The following ZNF12 variants were observed in gnomAD, a reference collection of about 807,000 sequenced individuals.
ZNF12 encodes the protein gonadotropin inducible transcription repressor 3.
Under a neutral mutation model 66.6 loss-of-function variants are expected in ZNF12, and 34 were observed. The observed-to-expected ratio is 0.51, with a 90% CI of 0.39 to 0.68. The LOEUF (loss-of-function observed/expected upper bound fraction) is 0.68, where lower values mean the gene tolerates loss of function less well. Ranked by LOEUF, ZNF12 falls within the 30% of genes least tolerant of loss-of-function variation. The pLI, the probability that ZNF12 is intolerant of heterozygous loss-of-function variation, is 0.00. For synonymous variants in ZNF12, 320 were observed against 278.9 expected, an observed-to-expected ratio of 1.15 and a Z score of -1.47; for missense variants, 697 against 826.9, an observed-to-expected ratio of 0.84 and a Z score of 1.93.
In ZNF12 at chr7:6,706,896, C is replaced by T. The variant is rs1780369299; in HGVS notation, c.-515G>A. On this transcript the variant is annotated 5_prime_UTR_variant, in exon 1 of 5. Transcript: ENST00000405858. Reference sequence around the variant, plus strand: ...ATTCTCGCCCACCGGAGGCCAAAGCCTGGGAACTAGGGCGAGCGGTGACCT... The same window carrying T: ...ATTCTCGCCCACCGGAGGCCAAAGCTTGGGAACTAGGGCGAGCGGTGACCT... The T allele has an allele frequency of 2.4e-6, 1 of 409,616 alleles. No homozygotes were observed. The allele number at this position is 409,616 out of a possible 1,614,324, so 25.4% of individuals were successfully genotyped here.
Position 6,694,467 on chromosome 7 carries a change from T to C in ZNF12, c.239-1764A>G, listed in dbSNP as rs1323148325. Reference sequence around the variant, plus strand: ...TAGGATGACAGTCATCTAACAAAAATATTCCGTTGCAGGAAAAGCAAGCTA... The same window carrying C: ...TAGGATGACAGTCATCTAACAAAAACATTCCGTTGCAGGAAAAGCAAGCTA... On this transcript the variant is annotated intron_variant, in intron 4 of 4. Transcript: ENST00000405858. Among the ~76,000 whole-genome samples, 4 of 152,172 alleles carry C rather than the reference T, an allele frequency of 2.6e-5. No homozygotes were observed. The East Asian group carries it at 7.7e-4, about 29-fold the overall frequency.
chr7:6,694,509 G>A (rs980397629), intron 4 of ZNF12, among the ~76,000 whole-genome samples: 4 of 152,120 alleles, frequency 2.6e-5, no homozygotes, highest in African/African-American at 7.2e-5. Flanking sequence ...GCACAAGGAG[G>A]TTCCTAAGAT....
chr7:6,696,090 G>A lies in ZNF12; in HGVS notation c.238+1249C>T, dbSNP rs1360841422. On this transcript the variant is annotated intron_variant, in intron 4 of 4. Coordinates refer to ENST00000405858, the MANE Select transcript of ZNF12 (RefSeq NM_016265.4). The surrounding 1 kb of genome is among the most constrained non-coding windows in gnomAD (Gnocchi z 4.0). ...GTAACCAACTATAGGCTTATCTTGT[G>A]AGGCTAGCGATGATATCAACTGGAA... Among the ~76,000 whole-genome samples, 1 of 152,210 alleles carries A rather than the reference G, an allele frequency of 6.6e-6. No individual in the cohort carries two copies. The highest frequency in any genetic ancestry group is 1.5e-5 in the Non-Finnish European group (1 of 68,040).
intron 2 of ZNF12, among the ~76,000 whole-genome samples, chr7:6,700,336 C>CACACACACATATAT (rs59783256): frequency 9.7e-4 from 139 of 143,068 alleles, no homozygotes; most frequent in African/African-American, 3.4e-3. Context: ...CACACACACA[C>CACACACACATATAT]ATATATATAC....
At chr7:6,703,813 AG>A (rs1159885690) in intron 2 of ZNF12, among the ~76,000 whole-genome samples, 1 of 152,220 alleles carries the variant, frequency 6.6e-6, no homozygotes, top group Non-Finnish European at 1.5e-5. Context: ...AAGAAGAGAA[AG>A]GGCACTCAAA....
intron 2 of ZNF12, among the ~76,000 whole-genome samples, chr7:6,700,061 A>G (rs1377725159): frequency 3.3e-5 from 5 of 151,940 alleles, no homozygotes; most frequent in African/African-American, 9.7e-5. Flanking sequence ...CGAGGTGGGC[A>G]GATCACAAGG....
At position 6,692,852 on chromosome 7, in the gene ZNF12, C is replaced by T. The variant is rs1369608075; in HGVS notation, c.239-149G>A. ...AAAATAATTCCAAGTGTACTCTTCT[C>T]CTTTATGCTTTTGCTTAAAATTACA... is the stretch of plus-strand genomic sequence containing the variant. On this transcript the variant is annotated intron_variant, in intron 4 of 4. Transcript: ENST00000405858. This position sits in a 1 kb window ranked among gnomAD's most constrained non-coding sequence, Gnocchi z 5.1. 3 of 729,504 alleles carry T rather than the reference C, an allele frequency of 4.1e-6. No individual in the cohort carries two copies. The highest frequency in any genetic ancestry group is 3.5e-5 in the Admixed American group (1 of 28,388). The allele number at this position is 729,504 out of a possible 1,614,324, so 45.2% of individuals were successfully genotyped here.
In ZNF12 at chr7:6,691,981, CTG is replaced by C; in HGVS notation, c.959_960del (p.Thr320ArgfsTer6). The C allele has an allele frequency of 1.9e-6, 3 of 1,614,068 alleles. No homozygotes were observed. The highest frequency in any genetic ancestry group is 1.7e-6 in the Non-Finnish European group (2 of 1,180,010). On this transcript the variant is annotated frameshift_variant, in exon 5 of 5. Transcript: ENST00000405858. LOFTEE classifies it high-confidence loss of function. ...TCATTACATTCATAGGGCTTCTCCC[CTG>C]TGTGTGTTCTCTGATGCACAGTAAG... ...GTLTVHQRTHTGEKPYECNEC... is the reference protein window; with the variant it reads ...GTLTVHQRTHXGEKPYECNEC...
At chr7:6,701,743 A>G (rs1780245865) in intron 2 of ZNF12, among the ~76,000 whole-genome samples, 1 of 152,070 alleles carries the variant, frequency 6.6e-6, no homozygotes, top group Non-Finnish European at 1.5e-5. Flanking sequence ...GGACACCTCC[A>G]ACTGTTTGCA....
chr7:6,705,052 CTT>C lies in ZNF12; in HGVS notation c.15+105_15+106del, dbSNP rs1481971009. 7.4e-6 allele frequency: 10 copies of C among 1,349,644 alleles called. No individual in the cohort carries two copies. In the African/African-American group the frequency reaches 1.3e-4, roughly 18 times the overall value. 83.6% of individuals were successfully genotyped at this position (1,349,644 alleles called of 1,614,324 possible). A position where few individuals can be genotyped will look rare whatever the true frequency, so the allele number is the denominator to read the frequency against. On this transcript the variant is annotated intron_variant, in intron 2 of 4. Coordinates refer to ENST00000405858, the MANE Select transcript of ZNF12 (RefSeq NM_016265.4). The surrounding 1 kb of genome is among the most constrained non-coding windows in gnomAD (Gnocchi z 4.0). ...TGGCTACTGTTCTGTCTGACCAAAT[CTT>C]GTATCTATTTCTACTTTCCCATTTT... is the stretch of plus-strand genomic sequence containing the variant.
intron 2 of ZNF12, among the ~76,000 whole-genome samples, chr7:6,702,505 C>CA (rs1562602247): frequency 6.5e-5 from 2 of 30,978 alleles, no homozygotes; most frequent in African/African-American, 3.4e-4. Flanking sequence ...CACACACACA[C>CA]ACAGATTTAT....
intron 2 of ZNF12, among the ~76,000 whole-genome samples, chr7:6,703,168 C>T (rs1222848403): frequency 1.3e-5 from 2 of 152,214 alleles, no homozygotes; most frequent in Non-Finnish European, 2.9e-5. Flanking sequence ...CTGCTTTACC[C>T]ACAGTCTTCC....
At position 6,697,415 on chromosome 7, in the gene ZNF12, C is replaced by T. The variant is rs760884470; in HGVS notation, c.162G>A (p.Pro54=). The T allele has an allele frequency of 5.4e-5, 87 of 1,612,046 alleles. No individual in the cohort carries two copies. The highest frequency in any genetic ancestry group is 6.7e-5 in the Non-Finnish European group (79 of 1,179,190). The change falls in exon 4 of 5, where the codon CCG becomes CCA. Residue 54 remains proline, a synonymous_variant. Transcript: ENST00000405858. The surrounding 1 kb of genome is among the most constrained non-coding windows in gnomAD (Gnocchi z 6.1). ...LVSVGYHIIK[P]DVISKLEQGE... ...CTTGCTCCAACTTGCTGATAACATCCGGTTTGATAATGTGATACCCTGTTA... is the reference window on the plus strand; with the variant it reads ...CTTGCTCCAACTTGCTGATAACATCTGGTTTGATAATGTGATACCCTGTTA...
chr7:6,698,024 TG>T lies in ZNF12; in HGVS notation c.16-214del. ...AAAACAAAAAACAAAAAAACAACAC[TG>T]GGATTGCACGGTGAGCCAGAAACAA... is the stretch of plus-strand genomic sequence containing the variant. On this transcript the variant is annotated intron_variant, in intron 2 of 4. Coordinates refer to ENST00000405858, the MANE Select transcript of ZNF12 (RefSeq NM_016265.4). This position sits in a 1 kb window ranked among gnomAD's most constrained non-coding sequence, Gnocchi z 4.4. 1.3e-6 allele frequency: 1 copy of T among 752,474 alleles called. No homozygotes were observed. The highest frequency in any genetic ancestry group is 1.7e-5 in the African/African-American group (1 of 58,838). 46.6% of individuals were successfully genotyped at this position (752,474 alleles called of 1,614,324 possible). A position where few individuals can be genotyped will look rare whatever the true frequency, so the allele number is the denominator to read the frequency against.
chr7:6,693,719 A>G (rs1292668738), intron 4 of ZNF12, among the ~76,000 whole-genome samples: 2 of 152,180 alleles, frequency 1.3e-5, no homozygotes, highest in Non-Finnish European at 2.9e-5. Context: ...TCTGGCACAA[A>G]ACACATGCTT....
Position 6,692,722 on chromosome 7 carries a change from A to G in ZNF12, c.239-19T>C. On this transcript the variant is annotated intron_variant, in intron 4 of 4. Coordinates refer to ENST00000405858, the MANE Select transcript of ZNF12 (RefSeq NM_016265.4). The surrounding 1 kb of genome is among the most constrained non-coding windows in gnomAD (Gnocchi z 5.1). ...ACTTCATCTAAAGAGAGACAAAATT[A>G]ATAAACTTTTGTACATCTTCCTATA... 1 of 1,539,398 alleles carries G rather than the reference A, an allele frequency of 6.5e-7. No homozygotes were observed. The highest frequency in any genetic ancestry group is 8.7e-7 in the Non-Finnish European group (1 of 1,149,692).
rs1780072410 is a variant in ZNF12 at position 6,691,745 on chromosome 7, A to G, written c.1197T>C (p.His399=). The G allele has an allele frequency of 6.2e-7, 1 of 1,613,824 alleles. No homozygotes were observed. The highest frequency in any genetic ancestry group is 8.5e-7 in the Non-Finnish European group (1 of 1,179,880). ...TFSQKSALND[H]QKIHTGVKLY... is the part of the protein sequence containing the mutation. ...GTTTCACACCTGTGTGAATTTTCTG[A>G]TGGTCATTAAGTGCTGACTTCTGCG... Residue 399 remains histidine, a synonymous_variant, in exon 5 of 5, where the codon CAT becomes CAC. Coordinates refer to ENST00000405858, the MANE Select transcript of ZNF12 (RefSeq NM_016265.4).
rs905733641 is a variant in ZNF12, at chr7:6,705,002, A to G, written c.15+157T>C. On this transcript the variant is annotated intron_variant, in intron 2 of 4. Transcript: ENST00000405858. The surrounding 1 kb of genome is among the most constrained non-coding windows in gnomAD (Gnocchi z 4.0). ...AGGATCACGCTATCTGCGCATATGAATATGATAAAAAGGCTTGGTGCTGAT... is the reference window on the plus strand; with the variant it reads ...AGGATCACGCTATCTGCGCATATGAGTATGATAAAAAGGCTTGGTGCTGAT... Among the ~76,000 whole-genome samples the G allele has an allele frequency of 4.6e-5, 7 of 152,362 alleles. No homozygotes were observed. The highest frequency in any genetic ancestry group is 1.3e-4 in the Admixed American group (2 of 15,296).
At chr7:6,700,308 C>T (rs941917591) in intron 2 of ZNF12, among the ~76,000 whole-genome samples, 1 of 125,890 alleles carries the variant, frequency 7.9e-6, no homozygotes, top group African/African-American at 3.5e-5. Flanking sequence ...AAAATATACA[C>T]ACACACACAC....
Sources: allele counts gnomAD v4.1 joint callset (sites outside exome capture counted in the v4.1 genomes callset), GRCh38; gene constraint gnomAD v4.1.1; non-coding constraint Gnocchi (gnomAD v3.1); transcripts MANE v1.5; gene names NCBI Gene and HGNC (gene_info 2026-07-23, HGNC 2026-07-21).